The following GALNT11 variants were observed in gnomAD, a reference collection of about 807,000 sequenced individuals.
GALNT11 encodes the protein polypeptide N-acetylgalactosaminyltransferase 11.
In GALNT11, 47 loss-of-function variants were observed where a neutral mutation model predicts 72.7. That is an observed-to-expected ratio of 0.65 (90% CI 0.51 to 0.82). GALNT11 has a LOEUF of 0.82. GALNT11 is among the 40% of genes least tolerant of loss of function. GALNT11 has a pLI of 0.00. For synonymous variants in GALNT11, 270 were observed against 286.6 expected, an observed-to-expected ratio of 0.94 and a Z score of 0.58; for missense variants, 677 against 778.4, an observed-to-expected ratio of 0.87 and a Z score of 1.55.
chr7:152,054,939 G>A (rs180699011), intron 1 of GALNT11, among the ~76,000 whole-genome samples: 8 of 152,276 alleles, frequency 5.3e-5, no homozygotes, highest in East Asian at 1.9e-4. Flanking sequence ...AAATGCACAC[G>A]CACAGATTTA....
At chr7:152,109,790 G>C (rs1454354459) in intron 6 of GALNT11, among the ~76,000 whole-genome samples, 2 of 152,136 alleles carry the variant, frequency 1.3e-5, no homozygotes, top group Non-Finnish European at 2.9e-5. Flanking sequence ...TGCTTCTCTT[G>C]TGCAGGCAGC....
intron 1 of GALNT11, among the ~76,000 whole-genome samples, chr7:152,049,659 G>A (rs760224732): frequency 6.6e-6 from 1 of 152,096 alleles, no homozygotes; most frequent in Non-Finnish European, 1.5e-5. Flanking sequence ...AGGCCCTAAG[G>A]CTCTATAATC....
chr7:152,114,930 G>A (rs2088680160), intron 8 of GALNT11, among the ~76,000 whole-genome samples: 2 of 152,182 alleles, frequency 1.3e-5, no homozygotes, highest in Non-Finnish European at 2.9e-5. Context: ...ATAAGGAAGT[G>A]CACAGTAATT....
chr7:152,100,363 C>T (rs1049683656), intron 2 of GALNT11, among the ~76,000 whole-genome samples: 5 of 151,830 alleles, frequency 3.3e-5, no homozygotes, highest in African/African-American at 7.3e-5. Context: ...GTCAGGAGAT[C>T]GAGACCATCC....
intron 1 of GALNT11, among the ~76,000 whole-genome samples, chr7:152,080,623 G>A (rs1458357768): frequency 6.6e-6 from 1 of 152,056 alleles, no homozygotes; most frequent in Non-Finnish European, 1.5e-5. Flanking sequence ...CTTTTTGCTT[G>A]TCTGTGTTTT....
chr7:152,051,199 GTTTTTTTTTTTTTTT>G (rs35668155), intron 1 of GALNT11, among the ~76,000 whole-genome samples: 1 of 46,808 alleles, frequency 2.1e-5, no homozygotes. Context: ...ATATCTGGTT[GTTTTTTTTTTTTTTT>G]TTTTTTTTTT....
Position 152,113,361 on chromosome 7 carries a change from C to G in GALNT11, c.1196C>G (p.Ser399Cys), listed in dbSNP as rs751100141. The G allele has an allele frequency of 6.2e-7, 1 of 1,613,986 alleles. No homozygotes were observed. Among genetic ancestry groups the G allele is most frequent in the Non-Finnish European group, 8.5e-7 (1 of 1,179,990 alleles). Residue 399 changes from serine to cysteine, a missense_variant, in exon 8 of 12, where the codon TCT (serine) becomes TGT (cysteine). Ser to Cys is a moderately radical substitution (Grantham distance 112). Transcript: ENST00000430044. ...PEGQDTMTHN[S>C]LRLAHVWLDE... ...GGCCAGGACACCATGACACACAACT[C>G]TTTGCGGCTGGCACATGTCTGGTTG...
At chr7:152,055,030 CAG>C (rs1486290036) in intron 1 of GALNT11, among the ~76,000 whole-genome samples, 2 of 152,174 alleles carry the variant, frequency 1.3e-5, no homozygotes, top group African/African-American at 4.8e-5. Flanking sequence ...GCCAGAGACA[CAG>C]GGAGGAGTTG....
At chr7:152,077,994 G>A (rs1403653313) in intron 1 of GALNT11, among the ~76,000 whole-genome samples, 1 of 151,868 alleles carries the variant, frequency 6.6e-6, no homozygotes, top group African/African-American at 2.4e-5. Context: ...AAATACAGTA[G>A]CCAAAATGGA....
rs193272756 is a variant in GALNT11, at chr7:152,059,502, A to G, written c.-39+33618A>G. On this transcript the variant is annotated intron_variant, in intron 1 of 11. Transcript: ENST00000430044. ...AAAGGAATCACTGTCTGTGACAGCT[A>G]TAGTCTTACGCAATTTATTTCTTAA... Among the ~76,000 whole-genome samples, 5 of 152,340 alleles carry G rather than the reference A, an allele frequency of 3.3e-5. No individual in the cohort carries two copies. In the East Asian group the frequency reaches 5.8e-4, roughly 18 times the overall value.
At chr7:152,026,714 C>A (rs1039659466) in intron 1 of GALNT11, among the ~76,000 whole-genome samples, 1 of 152,254 alleles carries the variant, frequency 6.6e-6, no homozygotes, top group Admixed American at 6.5e-5. Flanking sequence ...AGAGCAGAGG[C>A]TCAAAAGAAT....
intron 1 of GALNT11, among the ~76,000 whole-genome samples, chr7:152,028,681 C>G (rs920536811): frequency 2.0e-5 from 3 of 151,754 alleles, no homozygotes; most frequent in African/African-American, 7.3e-5. Flanking sequence ...CTCTCAATCC[C>G]CCCCCTCTAA....
intron 1 of GALNT11, among the ~76,000 whole-genome samples, chr7:152,045,742 G>A (rs2083087131): frequency 6.6e-6 from 1 of 151,516 alleles, no homozygotes; most frequent in Admixed American, 6.6e-5. Context: ...TTTTTGTTTT[G>A]TTGATCTTTT....
intron 1 of GALNT11, among the ~76,000 whole-genome samples, chr7:152,083,203 A>G (rs1307569387): frequency 6.6e-6 from 1 of 151,872 alleles, no homozygotes; most frequent in East Asian, 1.9e-4. Context: ...TTCTTTTCCT[A>G]TATTCTGATC....
chr7:152,025,966 C>T, intron 1 of GALNT11, 82 bp downstream of exon 1: 1 of 156,182 alleles, frequency 6.4e-6, no homozygotes, highest in Non-Finnish European at 1.4e-5. Context: ...GGGGCCTGGG[C>T]AGGCTGGGGG....
intron 1 of GALNT11, among the ~76,000 whole-genome samples, chr7:152,081,491 T>G (rs2085322116): frequency 6.6e-6 from 1 of 152,208 alleles, no homozygotes; most frequent in South Asian, 2.1e-4. Context: ...TAACAACAGT[T>G]TTTAAATATT....
Position 152,117,374 on chromosome 7 carries a change from G to A in GALNT11, c.1451G>A (p.Arg484Lys). The A allele has an allele frequency of 6.2e-7, 1 of 1,613,932 alleles. No individual in the cohort carries two copies. The highest frequency in any genetic ancestry group is 8.5e-7 in the Non-Finnish European group (1 of 1,179,968). The change falls in exon 9 of 12, where the codon AGG (arginine) becomes AAG (lysine). Residue 484 changes from arginine to lysine, a missense_variant and splice_region_variant. Coordinates refer to ENST00000430044, the MANE Select transcript of GALNT11 (RefSeq NM_022087.4). ...PKRPKVLQRG[R>K]LYHLQTNKCL... is the part of the protein sequence containing the mutation. ...CGACCCAAAGTCCTTCAACGTGGAAGGGTAAGAAAGCTGTTTTTTCCAAGT... is the reference window on the plus strand; with the variant it reads ...CGACCCAAAGTCCTTCAACGTGGAAAGGTAAGAAAGCTGTTTTTTCCAAGT...
At chr7:152,030,558 G>C (rs1279782939) in intron 1 of GALNT11, among the ~76,000 whole-genome samples, 1 of 152,156 alleles carries the variant, frequency 6.6e-6, no homozygotes, top group Non-Finnish European at 1.5e-5. Context: ...CGTGCCCTCA[G>C]TCTCTTGCCT....
chr7:152,034,720 G>A (rs891062951), intron 1 of GALNT11, among the ~76,000 whole-genome samples: 1 of 152,138 alleles, frequency 6.6e-6, no homozygotes, highest in Non-Finnish European at 1.5e-5. Flanking sequence ...ACAACGGTCG[G>A]TCCCTGGACC....
Sources: allele counts gnomAD v4.1 joint callset (sites outside exome capture counted in the v4.1 genomes callset), GRCh38; gene constraint gnomAD v4.1.1; transcripts MANE v1.5; gene names NCBI Gene and HGNC (gene_info 2026-07-23, HGNC 2026-07-21).